Variants in ARID5B observed in about 807,000 individuals in gnomAD.
The protein encoded by ARID5B is AT-rich interactive domain-containing protein 5B.
ARID5B carries 13 observed loss-of-function variants against 97.2 expected under a neutral mutation model. The ratio of observed to expected loss-of-function variants is 0.13; its 90% CI spans 0.09 to 0.21. The LOEUF is 0.21. Among genes scored for constraint, ARID5B ranks in the 10% least tolerant of loss-of-function variants. The probability of loss-of-function intolerance (pLI) is 1.00; values close to 1 mark genes in which losing one functional copy is unlikely to be tolerated. For missense variants in ARID5B, 1,210 were observed against 1,465.3 expected (o/e 0.83, Z 2.84); for synonymous variants, 556 against 570.3 (o/e 0.97, Z 0.36).
rs1380482315 is a variant in ARID5B, at chr10:62,069,801, A to G, written c.1199+4A>G. 29 of 1,613,272 alleles carry G rather than the reference A, an allele frequency of 1.8e-5. No individual in the cohort carries two copies. Among genetic ancestry groups the G allele is most frequent in the Non-Finnish European group, 2.4e-5 (28 of 1,179,212 alleles). Reference sequence around the variant, plus strand: ...GTACCCGCAGACATTATGAAAGGTAAGAAACCATTTCATGGAATTGCTTAG... The same window carrying G: ...GTACCCGCAGACATTATGAAAGGTAGGAAACCATTTCATGGAATTGCTTAG... On this transcript the variant is annotated splice_donor_region_variant and intron_variant, in intron 8 of 9. Transcript: ENST00000279873.
In ARID5B at chr10:62,091,799, G is replaced by A; in HGVS notation, c.2336G>A (p.Ser779Asn). The change falls in exon 10 of 10, where the codon AGT becomes AAT. Residue 779 changes from serine (S) to asparagine (N), a missense_variant. By Grantham distance (46) the Ser-to-Asn change is conservative. Coordinates refer to ENST00000279873, the MANE Select transcript of ARID5B (RefSeq NM_032199.3). ...INDIFKHEKL[S>N]RSDPHRCSFS... The stretch of plus-strand genomic sequence containing the variant: ...GACATCTTTAAGCATGAGAAACTGA[G>A]TCGATCAGATCCCCACCGCTGCAGC... 6.2e-7 allele frequency: 1 copy of A among 1,614,078 alleles called. No individual in the cohort carries two copies.
At chr10:62,009,991 A>G (rs1839195710) in intron 4 of ARID5B, among the ~76,000 whole-genome samples, 1 of 152,190 alleles carries the variant, frequency 6.6e-6, no homozygotes, top group Admixed American at 6.5e-5. Flanking sequence ...TGCACAGACA[A>G]AAAGCAGCCT....
chr10:61,919,840 G>T (rs1335082872), intron 2 of ARID5B, among the ~76,000 whole-genome samples: 2 of 151,846 alleles, frequency 1.3e-5, no homozygotes, highest in African/African-American at 2.4e-5. Context: ...CTAGTAAAAA[G>T]ACTGAAGTTT....
At chr10:61,962,655 G>A (rs572683151) in intron 3 of ARID5B, among the ~76,000 whole-genome samples, 3 of 152,276 alleles carry the variant, frequency 2.0e-5, no homozygotes, top group African/African-American at 7.2e-5. Context: ...TAGAAACACC[G>A]CAGTTCTGAA....
intron 3 of ARID5B, among the ~76,000 whole-genome samples, chr10:61,994,554 G>C (rs189536797): frequency 2.0e-3 from 307 of 152,162 alleles, no homozygotes; most frequent in South Asian, 6.8e-3. Context: ...TTTGTACAAA[G>C]ACAACTTGAG....
intron 4 of ARID5B, among the ~76,000 whole-genome samples, chr10:62,038,392 A>G (rs1839592368): frequency 6.6e-6 from 1 of 151,888 alleles, no homozygotes. Context: ...AAGAAAAGAA[A>G]AAAAGCCAGT....
At chr10:62,049,311 T>C (rs1317457340) in intron 4 of ARID5B, 1 of 1,487,768 alleles carries the variant, frequency 6.7e-7, no homozygotes, top group East Asian at 2.5e-5. Flanking sequence ...GTAATGGAGC[T>C]GCCGGGGGAG....
intron 8 of ARID5B, among the ~76,000 whole-genome samples, chr10:62,076,572 A>AAAAAAAAAAC (rs1468477859): frequency 6.6e-6 from 1 of 151,792 alleles, no homozygotes; most frequent in East Asian, 1.9e-4. Context: ...AAAAAAAAAA[A>AAAAAAAAAAC]AAAAAACTAC....
At chr10:61,945,407 G>T (rs1375347897) in intron 3 of ARID5B, among the ~76,000 whole-genome samples, 2 of 152,058 alleles carry the variant, frequency 1.3e-5, no homozygotes, top group African/African-American at 4.8e-5. Context: ...CTTCATTGCT[G>T]CAGAGATAAA....
chr10:62,001,036 G>A (rs1415825228), intron 4 of ARID5B, among the ~76,000 whole-genome samples: 4 of 152,180 alleles, frequency 2.6e-5, no homozygotes, highest in Non-Finnish European at 4.4e-5. Flanking sequence ...AGAAGGGGAG[G>A]AGAAGAAGAT....
intron 4 of ARID5B, among the ~76,000 whole-genome samples, chr10:62,038,593 T>C (rs895361473): frequency 6.6e-6 from 1 of 152,144 alleles, no homozygotes; most frequent in Non-Finnish European, 1.5e-5. Flanking sequence ...TATAGTGAAG[T>C]CATTGTATTG....
intron 9 of ARID5B, among the ~76,000 whole-genome samples, chr10:62,087,113 T>C (rs1396438076): frequency 3.3e-5 from 5 of 151,542 alleles, no homozygotes; most frequent in East Asian, 2.0e-4. Context: ...TCCTGGCTAA[T>C]ACGGTAAAAC....
chr10:61,968,652 C>T (rs936577802), intron 3 of ARID5B, among the ~76,000 whole-genome samples: 1 of 152,146 alleles, frequency 6.6e-6, no homozygotes, highest in Admixed American at 6.5e-5. Context: ...AACAGAAGAA[C>T]CCCACAGCAC....
chr10:62,072,813 TGTG>T (rs1277511752), intron 8 of ARID5B, among the ~76,000 whole-genome samples: 1 of 152,202 alleles, frequency 6.6e-6, no homozygotes, highest in African/African-American at 2.4e-5. Context: ...TCCTATGTGT[TGTG>T]GTGGGGAGAA....
intron 4 of ARID5B, chr10:62,024,786 G>T: frequency 2.6e-6 from 1 of 389,678 alleles, no homozygotes; most frequent in South Asian, 1.3e-4. Flanking sequence ...GTTTCCACTA[G>T]AGACGAATGA....
intron 3 of ARID5B, among the ~76,000 whole-genome samples, chr10:61,985,425 G>T (rs915083939): frequency 2.0e-5 from 3 of 151,868 alleles, no homozygotes; most frequent in Admixed American, 2.0e-4. Flanking sequence ...CTTGGTGTCT[G>T]ACCAGCCAAT....
chr10:62,019,285 G>A (rs777283897), intron 4 of ARID5B, among the ~76,000 whole-genome samples: 3 of 152,150 alleles, frequency 2.0e-5, no homozygotes, highest in Non-Finnish European at 2.9e-5. Flanking sequence ...CATGAATTAC[G>A]TCAGCCTTCG....
At chr10:61,909,916 T>G (rs1589214788) in intron 2 of ARID5B, among the ~76,000 whole-genome samples, 1 of 152,344 alleles carries the variant, frequency 6.6e-6, no homozygotes, top group East Asian at 1.9e-4. Flanking sequence ...CATCTCTGTT[T>G]CGTTGTTAAT....
chr10:62,091,676 G>T lies in ARID5B; in HGVS notation c.2213G>T (p.Gly738Val). Reference sequence around the variant, plus strand: ...TCCAGTTTGTCCCAGACCCACCATGGCCAAAGCACTGACCATATGGCGGTC... The same window carrying T: ...TCCAGTTTGTCCCAGACCCACCATGTCCAAAGCACTGACCATATGGCGGTC... The part of the protein sequence containing the change: ...LCSSLSQTHH[G>V]QSTDHMAVSR... Residue 738 changes from glycine (G) to valine (V), a missense_variant, in exon 10 of 10, where the codon GGC becomes GTC. Gly to Val is a moderately radical substitution (Grantham distance 109, BLOSUM62 -3). Transcript: ENST00000279873. The T allele has an allele frequency of 6.2e-7, 1 of 1,614,122 alleles. No individual in the cohort carries two copies. The highest frequency in any genetic ancestry group is 8.5e-7 in the Non-Finnish European group (1 of 1,180,024).
Sources: gnomAD v4.1 joint callset for allele counts (sites outside exome capture counted in the v4.1 genomes callset) on GRCh38, gnomAD v4.1.1 for gene constraint, MANE v1.5 for transcripts, NCBI Gene and HGNC (gene_info 2026-07-23, HGNC 2026-07-21) for gene names.